The following PCDH11Y variants were observed in gnomAD, a reference collection of about 807,000 sequenced individuals.
PCDH11Y encodes the protein protocadherin 11 Y-linked.
For synonymous variants in PCDH11Y, 9 were observed against 83.6 expected, an observed-to-expected ratio of 0.11 and a Z score of 4.87; for missense variants, 12 against 224.8, an observed-to-expected ratio of 0.05 and a Z score of 6.05.
At chrY:5,008,708 T>C in intron 1 of PCDH11Y, among the ~76,000 whole-genome samples, 2 of 32,174 alleles carry the variant, frequency 6.2e-5, no homozygotes, top group South Asian at 1.4e-3. Flanking sequence ...TTTGACTGTA[T>C]TGATTCATTA....
intron 4 of PCDH11Y, among the ~76,000 whole-genome samples, chrY:5,671,941 C>A: frequency 3.1e-5 from 1 of 32,594 alleles, no homozygotes; most frequent in Non-Finnish European, 7.6e-5. Context: ...ATACCCATTT[C>A]TTTGAGGGTT....
chrY:5,182,111 T>G, intron 2 of PCDH11Y, among the ~76,000 whole-genome samples: 1 of 33,082 alleles, frequency 3.0e-5, no homozygotes, highest in African/African-American at 1.2e-4. Flanking sequence ...TTTTGTGGGG[T>G]CTTTTTTGTT....
chrY:5,375,453 G>C, intron 2 of PCDH11Y, among the ~76,000 whole-genome samples: 1 of 29,890 alleles, frequency 3.3e-5, no homozygotes, highest in Non-Finnish European at 8.0e-5. Context: ...ATATATTCTG[G>C]ATACATTTAT....
At chrY:5,426,470 C>T in intron 2 of PCDH11Y, among the ~76,000 whole-genome samples, 1 of 32,420 alleles carries the variant, frequency 3.1e-5, no homozygotes, top group African/African-American at 1.2e-4. Flanking sequence ...AAAAATGATA[C>T]AGTGGAATAA....
chrY:5,310,743 T>C (rs2124664465), intron 2 of PCDH11Y, among the ~76,000 whole-genome samples: 2 of 32,720 alleles, frequency 6.1e-5, no homozygotes, highest in South Asian at 1.4e-3. Flanking sequence ...GAAGTTTACT[T>C]AATACCAATA....
chrY:5,244,730 G>C (rs2052993717), intron 2 of PCDH11Y, among the ~76,000 whole-genome samples: 1 of 34,350 alleles, frequency 2.9e-5, no homozygotes, highest in Non-Finnish European at 7.3e-5. Context: ...GCTTAAGCCT[G>C]CCAGTCTTCC....
intron 4 of PCDH11Y, among the ~76,000 whole-genome samples, chrY:5,618,918 G>A: frequency 6.7e-5 from 2 of 29,859 alleles, no homozygotes; most frequent in African/African-American, 1.3e-4. Flanking sequence ...AAGGTGGGAC[G>A]ACCACTTGAG....
intron 2 of PCDH11Y, among the ~76,000 whole-genome samples, chrY:5,249,161 TATA>T (rs2053001062): frequency 3.1e-5 from 1 of 32,128 alleles, no homozygotes; most frequent in African/African-American, 1.2e-4. Context: ...CAAAGTAATC[TATA>T]GATTCAATTC....
intron 3 of PCDH11Y, among the ~76,000 whole-genome samples, chrY:5,048,536 C>T: frequency 3.0e-5 from 1 of 33,233 alleles, no homozygotes; most frequent in Non-Finnish European, 7.4e-5. Flanking sequence ...AAAGTATTCT[C>T]TTTTCTCTGC....
intron 2 of PCDH11Y, among the ~76,000 whole-genome samples, chrY:5,280,142 T>G: frequency 6.3e-5 from 2 of 31,771 alleles, no homozygotes; most frequent in Non-Finnish European, 1.5e-4. Flanking sequence ...TTACTTATTT[T>G]TTTTAACTTT....
intron 1 of PCDH11Y, among the ~76,000 whole-genome samples, chrY:5,023,546 C>T: frequency 2.9e-5 from 1 of 34,106 alleles, no homozygotes; most frequent in Non-Finnish European, 7.3e-5. Flanking sequence ...CATGCATCTG[C>T]ATGCACACAT....
chrY:5,141,135 G>T (rs2052848146), intron 2 of PCDH11Y, among the ~76,000 whole-genome samples: 2 of 12,284 alleles, frequency 1.6e-4, no homozygotes, highest in African/African-American at 6.7e-4. Context: ...TGAGAATGAT[G>T]GTTTCCAATT....
intron 2 of PCDH11Y, among the ~76,000 whole-genome samples, chrY:5,211,469 G>T: frequency 1.2e-4 from 4 of 32,399 alleles, no homozygotes; most frequent in Non-Finnish European, 2.2e-4. Context: ...GTCTTACTAT[G>T]TTGTATGTAA....
chrY:5,708,192 T>A, intron 4 of PCDH11Y, among the ~76,000 whole-genome samples: 1 of 33,472 alleles, frequency 3.0e-5, no homozygotes, highest in South Asian at 6.6e-4. Context: ...AAGACTTTTA[T>A]AAACAAACAG....
intron 4 of PCDH11Y, among the ~76,000 whole-genome samples, chrY:5,592,316 T>C (rs2053463162): frequency 3.0e-5 from 1 of 32,826 alleles, no homozygotes; most frequent in Non-Finnish European, 7.4e-5. Flanking sequence ...GTTGAAAATA[T>C]GTTTTTTCTG....
At chrY:5,537,879 G>A (rs2053401992) in intron 3 of PCDH11Y, among the ~76,000 whole-genome samples, 1 of 32,868 alleles carries the variant, frequency 3.0e-5, no homozygotes, top group Non-Finnish European at 7.5e-5. Context: ...CAGAGTCCTC[G>A]GGTAGTTGCC....
At chrY:5,668,298 T>C in intron 4 of PCDH11Y, among the ~76,000 whole-genome samples, 1 of 33,509 alleles carries the variant, frequency 3.0e-5, no homozygotes, top group Admixed American at 2.7e-4. Context: ...TGATTCACTA[T>C]ATATTCTCAC....
chrY:5,329,241 A>G, intron 2 of PCDH11Y, among the ~76,000 whole-genome samples: 1 of 32,439 alleles, frequency 3.1e-5, no homozygotes, highest in Non-Finnish European at 7.5e-5. Context: ...AAGCATAGTG[A>G]AGGAGGCAAG....
intron 2 of PCDH11Y, among the ~76,000 whole-genome samples, chrY:5,484,930 G>A: frequency 3.0e-5 from 1 of 33,377 alleles, no homozygotes; most frequent in African/African-American, 1.2e-4. Flanking sequence ...TGTCCTCGAA[G>A]ACAAGTTTTC....
Sources: gnomAD v4.1 joint callset for allele counts (sites outside exome capture counted in the v4.1 genomes callset) on GRCh38, gnomAD v4.1.1 for gene constraint, MANE v1.5 for transcripts, NCBI Gene and HGNC (gene_info 2026-07-23, HGNC 2026-07-21) for gene names.